WDR12: variants seen among roughly 807,000 people sequenced by gnomAD.
WDR12 encodes WD repeat domain 12, also known as ribosome biogenesis protein WDR12.
In WDR12, 42 loss-of-function variants were observed where a neutral mutation model predicts 64.3. That is an observed-to-expected ratio of 0.65 (90% CI 0.51 to 0.84). WDR12 has a LOEUF of 0.84. WDR12 is among the 40% of genes least tolerant of loss of function. The pLI, the probability that WDR12 is intolerant of heterozygous loss-of-function variation, is 0.00. For synonymous variants in WDR12, 158 were observed against 173.3 expected, an observed-to-expected ratio of 0.91 and a Z score of 0.70; for missense variants, 469 against 494.6, an observed-to-expected ratio of 0.95 and a Z score of 0.49.
At chr2:202,888,242 T>G (rs1688086333) in intron 8 of WDR12, among the ~76,000 whole-genome samples, 1 of 152,200 alleles carries the variant, frequency 6.6e-6, no homozygotes, top group Admixed American at 6.5e-5. Context: ...TGCACTTATA[T>G]GACATTCTGG....
rs1283351484 is a variant in WDR12, at chr2:202,880,951, G to A, written c.1195-14C>T. On this transcript the variant is annotated splice_polypyrimidine_tract_variant and intron_variant, in intron 12 of 12. Coordinates refer to ENST00000261015, the MANE Select transcript of WDR12 (RefSeq NM_018256.4). ...ACTCAGAAGTAGCTGTGTAAAAGGAGAGAAAAAGACAAGAAAACATAAATA... is the reference window on the plus strand; with the variant it reads ...ACTCAGAAGTAGCTGTGTAAAAGGAAAGAAAAAGACAAGAAAACATAAATA... The A allele has an allele frequency of 3.2e-6, 5 of 1,585,572 alleles. No homozygotes were observed. Among genetic ancestry groups the A allele is most frequent in the Admixed American group, 3.5e-5 (2 of 56,786 alleles).
chr2:202,883,554 C>T, intron 11 of WDR12, 55 bp downstream of exon 11: 4 of 1,547,734 alleles, frequency 2.6e-6, no homozygotes, highest in South Asian at 1.2e-5. Flanking sequence ...TATTCATTTC[C>T]TTTCTATAAC....
At position 202,879,525 on chromosome 2, in the gene WDR12, A is replaced by G. The variant is rs1001851066; in HGVS notation, c.*1335T>C. On this transcript the variant is annotated 3_prime_UTR_variant, in exon 13 of 13. Coordinates refer to ENST00000261015, the MANE Select transcript of WDR12 (RefSeq NM_018256.4). ...AACCTCCACCTCCTGGGTTCAACCA[A>G]TTCTCCTGCCTCAGCCTCCCAAGTA... 4.6e-5 allele frequency: 7 copies of G among 151,922 alleles called. No homozygotes were observed. The highest frequency in any genetic ancestry group is 1.7e-4 in the African/African-American group (7 of 41,304). The allele number at this position is 151,922 out of a possible 1,614,324, so 9.4% of individuals were successfully genotyped here.
chr2:202,886,088 T>G (rs1183035063), intron 8 of WDR12, among the ~76,000 whole-genome samples: 2 of 151,682 alleles, frequency 1.3e-5, no homozygotes, highest in Non-Finnish European at 2.9e-5. Flanking sequence ...AATAAGGGGT[T>G]GTTTTTTACA....
In WDR12 at chr2:202,897,914, T is replaced by A. The variant is rs1353429036; in HGVS notation, c.339-499A>T. 7.9e-4 allele frequency among the ~76,000 whole-genome samples: 95 copies of A among 120,726 alleles called. 1 individual carries two copies. Among genetic ancestry groups the A allele is most frequent in the Non-Finnish European group, 9.6e-4 (52 of 54,052 alleles). 79.2% of individuals were successfully genotyped at this position (120,726 alleles called of 152,430 possible). On this transcript the variant is annotated intron_variant, in intron 4 of 12. Coordinates refer to ENST00000261015, the MANE Select transcript of WDR12 (RefSeq NM_018256.4). ...AAAAAAAAAAAAAAAAAAAAATATATATATATATATAAAAAATATATATCA... is the reference window on the plus strand; with the variant it reads ...AAAAAAAAAAAAAAAAAAAAATATAAATATATATATAAAAAATATATATCA...
In WDR12 at chr2:202,892,656, T is replaced by A. The variant is rs1373706282; in HGVS notation, c.702A>T (p.Pro234=). ...EDEMEESTNR[P]RKKQKTEQLG... ...ACTGTTCTGTCTTCTGTTTCTTTCT[T>A]GGTCGATTTGTGGACTCCTCCATTT... The change falls in exon 8 of 13, where the codon CCA becomes CCT. Residue 234 remains proline (P), a synonymous_variant. Transcript: ENST00000261015. 6.2e-7 allele frequency: 1 copy of A among 1,613,346 alleles called. No individual in the cohort carries two copies. Among genetic ancestry groups the A allele is most frequent in the Non-Finnish European group, 8.5e-7 (1 of 1,179,624 alleles).
In WDR12 at chr2:202,880,939, T is replaced by C. The variant is rs772873437; in HGVS notation, c.1195-2A>G. 5.0e-6 allele frequency: 8 copies of C among 1,605,112 alleles called. No individual in the cohort carries two copies. Among genetic ancestry groups the C allele is most frequent in the Middle Eastern group, 1.7e-4 (1 of 5,866 alleles). Reference sequence around the variant, plus strand: ...GTCTGCTCCTCCACTCAGAAGTAGCTGTGTAAAAGGAGAGAAAAAGACAAG... The same window carrying C: ...GTCTGCTCCTCCACTCAGAAGTAGCCGTGTAAAAGGAGAGAAAAAGACAAG... On this transcript the variant is annotated splice_acceptor_variant, in intron 12 of 12. Transcript: ENST00000261015. LOFTEE classifies it high-confidence loss of function.
At position 202,902,302 on chromosome 2, in the gene WDR12, T is replaced by C. The variant is rs79497938; in HGVS notation, c.137-1183A>G. Among the ~76,000 whole-genome samples the C allele has an allele frequency of 5.0e-3, 769 of 152,300 alleles. 3 individuals carry two copies. Among genetic ancestry groups the C allele is most frequent in the Non-Finnish European group, 9.0e-3 (609 of 68,024 alleles). On this transcript the variant is annotated intron_variant, in intron 2 of 12. Coordinates refer to ENST00000261015, the MANE Select transcript of WDR12 (RefSeq NM_018256.4). ...AAGATTTATCCCAGGGATGCAAGAA[T>C]AGTTCAACATACACAAATCAATGTA...
In WDR12 at chr2:202,883,531, A is replaced by G. The variant is rs186586985; in HGVS notation, c.1121+78T>C. ...GCTTTTTTTACTCTTCTGGTTTTAG[A>G]TAAGAATTTCAGTATTCATTTCCTT... On this transcript the variant is annotated intron_variant, in intron 11 of 12. Coordinates refer to ENST00000261015, the MANE Select transcript of WDR12 (RefSeq NM_018256.4). The G allele has an allele frequency of 1.1e-3, 1,638 of 1,455,388 alleles. 1 individual carries two copies. The highest frequency in any genetic ancestry group is 1.0e-3 in the Non-Finnish European group (1,129 of 1,079,200). The allele number at this position is 1,455,388 out of a possible 1,614,324, so 90.2% of individuals were successfully genotyped here. A position where few individuals can be genotyped will look rare whatever the true frequency, so the allele number is the denominator to read the frequency against.
chr2:202,905,042 A>G (rs1688428051), intron 2 of WDR12, among the ~76,000 whole-genome samples: 1 of 152,238 alleles, frequency 6.6e-6, no homozygotes, highest in African/African-American at 2.4e-5. Context: ...AAGAAAATTC[A>G]AATGGCAAAC....
At chr2:202,906,100 C>A (rs916723762) in intron 2 of WDR12, among the ~76,000 whole-genome samples, 1 of 152,118 alleles carries the variant, frequency 6.6e-6, no homozygotes, top group Non-Finnish European at 1.5e-5. Context: ...ATTATTACAC[C>A]TTATATGCCT....
At chr2:202,889,325 A>C (rs564904950) in intron 8 of WDR12, among the ~76,000 whole-genome samples, 1 of 152,288 alleles carries the variant, frequency 6.6e-6, no homozygotes, top group South Asian at 2.1e-4. Context: ...AGAATACATA[A>C]ATAACTCTTA....
In WDR12 at chr2:202,908,251, G is replaced by A. The variant is rs574066913; in HGVS notation, c.42-292C>T. Among the ~76,000 whole-genome samples the A allele has an allele frequency of 3.9e-5, 6 of 152,310 alleles. No homozygotes were observed. In the South Asian group the frequency reaches 1.2e-3, roughly 32 times the overall value. On this transcript the variant is annotated intron_variant, in intron 1 of 12. Transcript: ENST00000261015. ...CACAGAAAAGGAGGGCAGGGGAGCAGGGCCAGAAACGATCCACAGAAAAGA... is the reference window on the plus strand; with the variant it reads ...CACAGAAAAGGAGGGCAGGGGAGCAAGGCCAGAAACGATCCACAGAAAAGA...
intron 12 of WDR12, 151 bp downstream of exon 12, chr2:202,882,560 C>T: frequency 4.7e-6 from 3 of 634,922 alleles, no homozygotes; most frequent in Non-Finnish European, 5.4e-6. Flanking sequence ...GATCTCCTGA[C>T]CTCGTGATCT....
At chr2:202,885,448 T>C (rs1688028284) in intron 8 of WDR12, among the ~76,000 whole-genome samples, 2 of 152,086 alleles carry the variant, frequency 1.3e-5, no homozygotes, top group African/African-American at 4.8e-5. Context: ...CCAGTGGGAA[T>C]CCTCCCTTAG....
chr2:202,881,626 T>C (rs921160901), intron 12 of WDR12, among the ~76,000 whole-genome samples: 2 of 151,956 alleles, frequency 1.3e-5, no homozygotes, highest in Admixed American at 1.3e-4. Flanking sequence ...ACAAAAAATT[T>C]AAAAATTTGC....
Position 202,879,654 on chromosome 2 carries a change from A to G in WDR12, c.*1206T>C, listed in dbSNP as rs1008371228. On this transcript the variant is annotated 3_prime_UTR_variant, in exon 13 of 13. Coordinates refer to ENST00000261015, the MANE Select transcript of WDR12 (RefSeq NM_018256.4). The stretch of plus-strand genomic sequence containing the variant: ...ACCATGTTGGTCAGGCTGGTCTCGA[A>G]CCCCTGACCTCAGGTGAGCCGCCTG... 6.6e-6 allele frequency: 1 copy of G among 151,190 alleles called. No homozygotes were observed. The highest frequency in any genetic ancestry group is 2.4e-5 in the African/African-American group (1 of 41,044). 9.4% of individuals were successfully genotyped at this position (151,190 alleles called of 1,614,324 possible). A position where few individuals can be genotyped will look rare whatever the true frequency, so the allele number is the denominator to read the frequency against.
chr2:202,903,446 T>TGGAAGGAAGGAAGGAAGGAAGGAAGGAA (rs150739013), intron 2 of WDR12, among the ~76,000 whole-genome samples: 5 of 97,270 alleles, frequency 5.1e-5, no homozygotes, highest in Admixed American at 2.4e-4. Context: ...AGCAATCAGA[T>TGGAAGGAAGGAAGGAAGGAAGGAAGGAA]GGAAGGAAGG....
At chr2:202,906,592 G>A (rs1428877070) in intron 2 of WDR12, among the ~76,000 whole-genome samples, 1 of 152,172 alleles carries the variant, frequency 6.6e-6, no homozygotes, top group Non-Finnish European at 1.5e-5. Flanking sequence ...GGCTGGGCAT[G>A]GTGGCTCACA....
Sources: allele counts gnomAD v4.1 joint callset (sites outside exome capture counted in the v4.1 genomes callset), GRCh38; gene constraint gnomAD v4.1.1; transcripts MANE v1.5; gene names NCBI Gene and HGNC (gene_info 2026-07-23, HGNC 2026-07-21).